CCNYL1: variants seen among roughly 807,000 people sequenced by gnomAD.
CCNYL1 encodes the protein cyclin Y like 1, also known as cyclin-Y-like protein 1.
In CCNYL1, 16 loss-of-function variants were observed where a neutral mutation model predicts 44.2. The ratio of observed to expected loss-of-function variants is 0.36; its 90% CI spans 0.25 to 0.55. The LOEUF (loss-of-function observed/expected upper bound fraction) is 0.55. Among genes scored for constraint, CCNYL1 ranks in the 20% least tolerant of loss-of-function variants. The pLI, the probability that CCNYL1 is intolerant of heterozygous loss-of-function variation, is 0.85. For missense variants in CCNYL1, 348 were observed against 451.8 expected (o/e 0.77, Z 2.08); for synonymous variants, 159 against 163.2 (o/e 0.97, Z 0.20).
At position 207,752,740 on chromosome 2, in the gene CCNYL1, TGG is replaced by T. The variant is rs1265135928; in HGVS notation, c.970-847_970-846del. On this transcript the variant is annotated intron_variant, in intron 9 of 9. Coordinates refer to ENST00000295414, the MANE Select transcript of CCNYL1 (RefSeq NM_001330218.2). ...ATATGTATTTCTAGGCTGGGCTCAG[TGG>T]CACATGCCTGAGAGTGGCTCATGCC... 3.3e-5 allele frequency among the ~76,000 whole-genome samples: 5 copies of T among 152,158 alleles called. No individual in the cohort carries two copies. The East Asian group carries it at 9.7e-4, about 30-fold the overall frequency.
At chr2:207,740,958 T>G (rs1575220042) in intron 6 of CCNYL1, among the ~76,000 whole-genome samples, 1 of 152,102 alleles carries the variant, frequency 6.6e-6, no homozygotes, top group African/African-American at 2.4e-5. Flanking sequence ...TACAGGAAAC[T>G]AAAGATATTT....
intron 1 of CCNYL1, among the ~76,000 whole-genome samples, chr2:207,716,339 CT>C (rs34650916): frequency 0.37 from 47,484 of 129,528 alleles, 6,695 homozygotes; most frequent in Middle Eastern, 0.56. Context: ...TAAGCCCTCT[CT>C]TTTTTTTTTT....
In CCNYL1 at chr2:207,721,733, TG is replaced by T. The variant is rs1456666226; in HGVS notation, c.221-3066del. ...GTTTCAAACATTCTTAGGAGTTTTT[TG>T]TTTTTTTTTTTTTTGTTTTGAGACA... On this transcript the variant is annotated intron_variant, in intron 1 of 9. Transcript: ENST00000295414. 2.7e-4 allele frequency among the ~76,000 whole-genome samples: 38 copies of T among 142,478 alleles called. 1 individual carries two copies. The East Asian group carries it at 6.7e-3, about 25-fold the overall frequency. 93.5% of individuals were successfully genotyped at this position (142,478 alleles called of 152,430 possible).
At chr2:207,740,944 T>C (rs2091804143) in intron 6 of CCNYL1, among the ~76,000 whole-genome samples, 1 of 152,202 alleles carries the variant, frequency 6.6e-6, no homozygotes, top group Non-Finnish European at 1.5e-5. Context: ...TTGAGCCTTA[T>C]GGTTACAGGA....
chr2:207,751,260 G>A (rs1197762883), intron 9 of CCNYL1, 141 bp downstream of exon 9: 12 of 672,280 alleles, frequency 1.8e-5, no homozygotes, highest in East Asian at 8.2e-5. Flanking sequence ...GCCCTTTGGC[G>A]TCAGATTTCC....
intron 2 of CCNYL1, 55 bp from the exon 3 acceptor site, chr2:207,726,787 T>A: frequency 8.0e-7 from 1 of 1,252,624 alleles, no homozygotes; most frequent in East Asian, 2.6e-5. Context: ...TAGCAACTAC[T>A]TTTATACTGT....
At chr2:207,743,254 G>A (rs934269125) in intron 7 of CCNYL1, among the ~76,000 whole-genome samples, 1 of 152,218 alleles carries the variant, frequency 6.6e-6, no homozygotes, top group Non-Finnish European at 1.5e-5. Flanking sequence ...TCCAGATGTA[G>A]AGAGACAGGT....
intron 3 of CCNYL1, among the ~76,000 whole-genome samples, chr2:207,731,966 C>G (rs370646720): frequency 6.6e-6 from 1 of 152,062 alleles, no homozygotes; most frequent in Non-Finnish European, 1.5e-5. Flanking sequence ...CCCACCACCA[C>G]GCTTGGCTAA....
At chr2:207,747,981 A>G (rs545680988) in intron 8 of CCNYL1, among the ~76,000 whole-genome samples, 3 of 152,324 alleles carry the variant, frequency 2.0e-5, no homozygotes, top group East Asian at 3.9e-4. Flanking sequence ...CTTAAAGGGC[A>G]TATGTCTGGC....
intron 1 of CCNYL1, among the ~76,000 whole-genome samples, chr2:207,724,044 G>A (rs1469004746): frequency 6.6e-6 from 1 of 152,052 alleles, no homozygotes; most frequent in East Asian, 1.9e-4. Flanking sequence ...GGTGCAAGGT[G>A]GACTACAGGC....
chr2:207,744,591 A>C (rs2091840551), intron 7 of CCNYL1, among the ~76,000 whole-genome samples: 1 of 150,760 alleles, frequency 6.6e-6, no homozygotes. Context: ...GCTAGTCTTG[A>C]ACTCCCGACC....
intron 1 of CCNYL1, among the ~76,000 whole-genome samples, chr2:207,720,211 G>T (rs183439239): frequency 4.9e-5 from 7 of 141,686 alleles, no homozygotes; most frequent in African/African-American, 1.6e-4. Context: ...AAAAAAAAAG[G>T]CTTGGTAGAT....
chr2:207,718,811 C>T (rs1253922980), intron 1 of CCNYL1, among the ~76,000 whole-genome samples: 1 of 152,188 alleles, frequency 6.6e-6, no homozygotes, highest in Non-Finnish European at 1.5e-5. Context: ...AGAAATCCTA[C>T]TTCAAGGAAT....
At chr2:207,744,618 C>T (rs1266608913) in intron 7 of CCNYL1, among the ~76,000 whole-genome samples, 2 of 151,812 alleles carry the variant, frequency 1.3e-5, no homozygotes, top group South Asian at 2.1e-4. Flanking sequence ...GATCCGCCTA[C>T]TTCGGCATCC....
At chr2:207,712,546 A>G (rs2091558977) in intron 1 of CCNYL1, among the ~76,000 whole-genome samples, 1 of 152,134 alleles carries the variant, frequency 6.6e-6, no homozygotes. Flanking sequence ...TGAAGGAACC[A>G]GGTAAGGGTC....
intron 4 of CCNYL1, 81 bp downstream of exon 4, chr2:207,734,128 G>C: frequency 1.2e-6 from 1 of 819,868 alleles, no homozygotes; most frequent in Non-Finnish European, 2.0e-6. Flanking sequence ...GGTAATTTCA[G>C]CCATTTGATT....
intron 3 of CCNYL1, among the ~76,000 whole-genome samples, chr2:207,727,952 T>C (rs2091692900): frequency 6.6e-6 from 1 of 151,750 alleles, no homozygotes; most frequent in Admixed American, 6.6e-5. Flanking sequence ...CCCTATTTCT[T>C]TCTCTCTCTC....
At chr2:207,721,721 T>G (rs2091641336) in intron 1 of CCNYL1, among the ~76,000 whole-genome samples, 1 of 150,662 alleles carries the variant, frequency 6.6e-6, no homozygotes, top group African/African-American at 2.5e-5. Flanking sequence ...TCAAACATTC[T>G]TAGGAGTTTT....
At chr2:207,748,290 G>A (rs112858342) in intron 8 of CCNYL1, among the ~76,000 whole-genome samples, 2,803 of 152,260 alleles carry the variant, frequency 0.018, 38 homozygotes, top group Non-Finnish European at 0.026. Flanking sequence ...CACCACACTC[G>A]AGAGGCTCCC....
Sources: allele counts gnomAD v4.1 joint callset (sites outside exome capture counted in the v4.1 genomes callset), GRCh38; gene constraint gnomAD v4.1.1; transcripts MANE v1.5; gene names NCBI Gene and HGNC (gene_info 2026-07-23, HGNC 2026-07-21).